Variants in RORB observed in about 807,000 individuals in gnomAD.
RORB encodes the protein RAR related orphan receptor B, also known as nuclear receptor ROR-beta.
Under a neutral mutation model 59.1 loss-of-function variants are expected in RORB, and 6 were observed. That is an observed-to-expected ratio of 0.10 (90% CI 0.06 to 0.20). RORB has a LOEUF of 0.20. Ranked by LOEUF, RORB falls within the 10% of genes least tolerant of loss-of-function variation. The probability of loss-of-function intolerance (pLI) is 1.00; values close to 1 mark genes in which losing one functional copy is unlikely to be tolerated. For missense variants in RORB, 320 were observed against 560.5 expected, an observed-to-expected ratio of 0.57 and a Z score of 4.33; for synonymous variants, 215 against 204.5, an observed-to-expected ratio of 1.05 and a Z score of -0.44.
chr9:74,621,929 A>G (rs193274486), intron 1 of RORB, among the ~76,000 whole-genome samples: 1 of 152,178 alleles, frequency 6.6e-6, no homozygotes, highest in South Asian at 2.1e-4. Context: ...AGCACTTTGT[A>G]TATTTTGGAT....
intron 1 of RORB, among the ~76,000 whole-genome samples, chr9:74,516,218 A>G (rs1273318352): frequency 6.6e-6 from 1 of 152,088 alleles, no homozygotes; most frequent in East Asian, 1.9e-4. Flanking sequence ...AAATTAGATA[A>G]CATCATAACA....
chr9:74,691,674 G>T lies in RORB; in HGVS notation c.*6056G>T, dbSNP rs1824742994. 1 of 152,130 alleles carries T rather than the reference G, an allele frequency of 6.6e-6. No homozygotes were observed. Among genetic ancestry groups the T allele is most frequent in the African/African-American group, 2.4e-5 (1 of 41,438 alleles). 9.4% of individuals were successfully genotyped at this position (152,130 alleles called of 1,614,324 possible). ...TTTCTATGTCTCTGTTTAAGCATAA[G>T]ACTTTGTAACAATTTTTTTAGAGGG... On this transcript the variant is annotated 3_prime_UTR_variant, in exon 10 of 10. Coordinates refer to ENST00000376896, the MANE Select transcript of RORB (RefSeq NM_006914.4).
At chr9:74,590,049 A>G (rs1822863954) in intron 1 of RORB, among the ~76,000 whole-genome samples, 1 of 152,216 alleles carries the variant, frequency 6.6e-6, no homozygotes, top group Admixed American at 6.5e-5. Context: ...CATCTGTAAC[A>G]TGTGGATAAC....
At position 74,630,205 on chromosome 9, in the gene RORB, G is replaced by C. The variant is rs968033526; in HGVS notation, c.8-77G>C. 7.7e-6 allele frequency: 12 copies of C among 1,563,384 alleles called. No homozygotes were observed. In the African/African-American group the frequency reaches 1.1e-4, roughly 14 times the overall value. The stretch of plus-strand genomic sequence containing the variant: ...AAATACAAACATCAAGGCAGAGATA[G>C]ATGGGGAGAGAGATAGGAAGAGTGA... On this transcript the variant is annotated intron_variant, in intron 1 of 9. Transcript: ENST00000376896.
chr9:74,606,657 G>C (rs1823153823), intron 1 of RORB, among the ~76,000 whole-genome samples: 1 of 152,178 alleles, frequency 6.6e-6, no homozygotes, highest in East Asian at 1.9e-4. Context: ...CTCCTGGTGA[G>C]TATGTTCCTT....
At chr9:74,589,677 G>GA (rs1299025880) in intron 1 of RORB, among the ~76,000 whole-genome samples, 2 of 152,102 alleles carry the variant, frequency 1.3e-5, no homozygotes, top group Admixed American at 1.3e-4. Context: ...AAAAAGAAAA[G>GA]AAAAAAGCAC....
chr9:74,624,218 A>G (rs2118396003), intron 1 of RORB, among the ~76,000 whole-genome samples: 1 of 152,312 alleles, frequency 6.6e-6, no homozygotes. Context: ...TGTATCTTTA[A>G]GTTATTTAGG....
chr9:74,628,642 G>T (rs575589815), intron 1 of RORB, among the ~76,000 whole-genome samples: 1 of 152,150 alleles, frequency 6.6e-6, no homozygotes, highest in Non-Finnish European at 1.5e-5. Context: ...AAGAAAAAGA[G>T]GGCAATGTCT....
intron 1 of RORB, among the ~76,000 whole-genome samples, chr9:74,529,581 T>C (rs764242079): frequency 3.3e-5 from 5 of 151,688 alleles, no homozygotes; most frequent in Non-Finnish European, 5.9e-5. Context: ...ATACTATTAA[T>C]AAATAGTAAA....
intron 1 of RORB, among the ~76,000 whole-genome samples, chr9:74,541,805 T>C (rs918121593): frequency 1.3e-5 from 2 of 152,176 alleles, no homozygotes; most frequent in African/African-American, 4.8e-5. Flanking sequence ...TTTCAATAGG[T>C]GTGGGGAGTA....
chr9:74,597,466 A>C (rs1430549363), intron 1 of RORB, among the ~76,000 whole-genome samples: 2 of 152,264 alleles, frequency 1.3e-5, no homozygotes, highest in African/African-American at 4.8e-5. Flanking sequence ...TTAAATTTAA[A>C]TATCAAAGTG....
At chr9:74,606,219 G>A (rs193117762) in intron 1 of RORB, among the ~76,000 whole-genome samples, 1 of 152,234 alleles carries the variant, frequency 6.6e-6, no homozygotes, top group African/African-American at 2.4e-5. Flanking sequence ...TAATTCTATG[G>A]ACCCTGGAGA....
At chr9:74,579,171 T>A (rs191310447) in intron 1 of RORB, among the ~76,000 whole-genome samples, 4 of 152,114 alleles carry the variant, frequency 2.6e-5, no homozygotes, top group Non-Finnish European at 4.4e-5. Context: ...ATATTTAGTC[T>A]TATAAGAAGC....
At chr9:74,540,811 A>T (rs1169184081) in intron 1 of RORB, among the ~76,000 whole-genome samples, 2 of 152,178 alleles carry the variant, frequency 1.3e-5, no homozygotes, top group Non-Finnish European at 2.9e-5. Context: ...ATGCAGGTAA[A>T]TCTATCGGAC....
chr9:74,576,819 T>G (rs1822643296), intron 1 of RORB, among the ~76,000 whole-genome samples: 1 of 152,142 alleles, frequency 6.6e-6, no homozygotes, highest in South Asian at 2.1e-4. Flanking sequence ...TAGTGGGTAC[T>G]ACATGCCATG....
At chr9:74,615,785 AT>A in intron 1 of RORB, 1 of 289,350 alleles carries the variant, frequency 3.5e-6, no homozygotes, top group South Asian at 2.9e-5. Flanking sequence ...TCAGGAATGT[AT>A]ATAATAAAAC....
At chr9:74,580,934 A>G (rs1822713334) in intron 1 of RORB, among the ~76,000 whole-genome samples, 1 of 152,178 alleles carries the variant, frequency 6.6e-6, no homozygotes, top group South Asian at 2.1e-4. Context: ...CAAATACTCC[A>G]TTGAATCTCC....
chr9:74,582,773 A>G (rs1587369487), intron 1 of RORB, among the ~76,000 whole-genome samples: 2 of 152,112 alleles, frequency 1.3e-5, no homozygotes, highest in African/African-American at 4.8e-5. Context: ...TGTGTCTATT[A>G]TCTACCCAAG....
chr9:74,522,374 A>G (rs1043301212), intron 1 of RORB, among the ~76,000 whole-genome samples: 4 of 151,774 alleles, frequency 2.6e-5, no homozygotes, highest in Non-Finnish European at 2.9e-5. Flanking sequence ...AAAATCTTAC[A>G]AGCATTAGAA....
Sources: gnomAD v4.1 joint callset for allele counts (sites outside exome capture counted in the v4.1 genomes callset) on GRCh38, gnomAD v4.1.1 for gene constraint, MANE v1.5 for transcripts, NCBI Gene and HGNC (gene_info 2026-07-23, HGNC 2026-07-21) for gene names.